INTS9: variants seen among roughly 807,000 people sequenced by gnomAD.
INTS9 encodes the protein integrator complex subunit 9, also known as protein related to CPSF subunits of 74 kDa.
INTS9 carries 55 observed loss-of-function variants against 79.7 expected under a neutral mutation model. The ratio of observed to expected loss-of-function variants is 0.69; its 90% CI spans 0.56 to 0.86. The LOEUF (loss-of-function observed/expected upper bound fraction) is 0.86. Among genes scored for constraint, INTS9 ranks in the 40% least tolerant of loss-of-function variants. The probability of loss-of-function intolerance (pLI) is 0.00; values close to 1 mark genes in which losing one functional copy is unlikely to be tolerated. For missense variants in INTS9, 721 were observed against 831.5 expected, an observed-to-expected ratio of 0.87 and a Z score of 1.64; for synonymous variants, 319 against 325.2, an observed-to-expected ratio of 0.98 and a Z score of 0.20.
intron 8 of INTS9, among the ~76,000 whole-genome samples, chr8:28,804,897 A>T (rs1016163591): frequency 6.6e-6 from 1 of 152,232 alleles, no homozygotes; most frequent in African/African-American, 2.4e-5. Context: ...AGCAGCATGA[A>T]TACAGCTGAG....
rs1366165063 is a variant in INTS9 at position 28,806,756 on chromosome 8, TTA to T, written c.744+5569_744+5570del. Among the ~76,000 whole-genome samples, 13 of 152,288 alleles carry T rather than the reference TTA, an allele frequency of 8.5e-5. No individual in the cohort carries two copies. The South Asian group carries it at 2.7e-3, about 32-fold the overall frequency. On this transcript the variant is annotated intron_variant, in intron 8 of 16. Coordinates refer to ENST00000521022, the MANE Select transcript of INTS9 (RefSeq NM_018250.4). ...GACTGGATGGACTAGAAACAAACAA[TTA>T]TACTGTAAAATAACCTTTGGTTATT...
intron 6 of INTS9, among the ~76,000 whole-genome samples, chr8:28,815,676 T>C (rs1805429192): frequency 1.3e-5 from 2 of 151,918 alleles, no homozygotes; most frequent in African/African-American, 4.8e-5. Context: ...AGTAGATTAA[T>C]AAAAAATACC....
At chr8:28,851,249 A>C (rs1015466331) in intron 2 of INTS9, among the ~76,000 whole-genome samples, 4 of 152,064 alleles carry the variant, frequency 2.6e-5, no homozygotes, top group African/African-American at 4.8e-5. Context: ...CCTCTTCCCA[A>C]AATAATTTGA....
intron 2 of INTS9, among the ~76,000 whole-genome samples, chr8:28,858,915 CTTAT>C (rs1808310797): frequency 1.3e-5 from 2 of 152,324 alleles, no homozygotes; most frequent in South Asian, 4.1e-4. Context: ...AAGGCAAAGT[CTTAT>C]TTAAGCATAA....
At chr8:28,804,585 C>T (rs559528210) in intron 8 of INTS9, among the ~76,000 whole-genome samples, 1 of 152,206 alleles carries the variant, frequency 6.6e-6, no homozygotes, top group East Asian at 1.9e-4. Context: ...GTCAGGGAGA[C>T]ACTCAGGAGA....
At chr8:28,847,357 G>A (rs1807579035) in intron 3 of INTS9, among the ~76,000 whole-genome samples, 1 of 151,952 alleles carries the variant, frequency 6.6e-6, no homozygotes, top group African/African-American at 2.4e-5. Context: ...GGGGATGTAA[G>A]GAGGGAGAGT....
intron 6 of INTS9, among the ~76,000 whole-genome samples, chr8:28,832,715 A>G (rs903936068): frequency 1.3e-5 from 2 of 152,150 alleles, no homozygotes; most frequent in African/African-American, 2.4e-5. Context: ...TGTAATCCCA[A>G]CACTTTGGGA....
chr8:28,789,973 C>G (rs2130936965), intron 10 of INTS9, among the ~76,000 whole-genome samples: 1 of 152,324 alleles, frequency 6.6e-6, no homozygotes, highest in South Asian at 2.1e-4. Flanking sequence ...CCTCCCATCT[C>G]CATCCCCTGC....
intron 16 of INTS9, chr8:28,769,656 A>G: frequency 1.9e-6 from 1 of 516,320 alleles, no homozygotes; most frequent in Non-Finnish European, 3.4e-6. Flanking sequence ...CTTTTTCTTC[A>G]GTCTGGAGAG....
intron 6 of INTS9, among the ~76,000 whole-genome samples, chr8:28,822,513 G>C (rs1443998978): frequency 6.6e-6 from 1 of 152,172 alleles, no homozygotes; most frequent in Admixed American, 6.5e-5. Flanking sequence ...TGGTGGGCCA[G>C]ATCTGGCCCA....
intron 1 of INTS9, among the ~76,000 whole-genome samples, chr8:28,872,499 T>C (rs1809150777): frequency 6.6e-6 from 1 of 151,934 alleles, no homozygotes. Flanking sequence ...AACTATTTGC[T>C]AGACTTGACT....
chr8:28,867,193 C>T (rs943555806), intron 1 of INTS9, among the ~76,000 whole-genome samples: 6 of 152,018 alleles, frequency 3.9e-5, no homozygotes, highest in South Asian at 4.1e-4. Flanking sequence ...GAGGCCAAGG[C>T]GGGTGGATCA....
chr8:28,831,029 A>G (rs1052325306), intron 6 of INTS9, among the ~76,000 whole-genome samples: 3 of 152,182 alleles, frequency 2.0e-5, no homozygotes, highest in Non-Finnish European at 4.4e-5. Context: ...TTGCAGCCCT[A>G]TTCACAATAG....
At chr8:28,819,458 C>T (rs1187583941) in intron 6 of INTS9, among the ~76,000 whole-genome samples, 4 of 152,186 alleles carry the variant, frequency 2.6e-5, no homozygotes, top group South Asian at 2.1e-4. Flanking sequence ...TGTAGTTGAG[C>T]GGTTTTGAGT....
chr8:28,860,456 C>A (rs1053245488), intron 1 of INTS9, among the ~76,000 whole-genome samples: 1 of 151,722 alleles, frequency 6.6e-6, no homozygotes. Flanking sequence ...GCTGAATCCA[C>A]TAGCAAGTCC....
rs368848856 is a variant in INTS9 at position 28,850,483 on chromosome 8, G to A, written c.138-210C>T. 2.6e-5 allele frequency among the ~76,000 whole-genome samples: 4 copies of A among 151,880 alleles called. No homozygotes were observed. The East Asian group carries it at 7.7e-4, about 29-fold the overall frequency. On this transcript the variant is annotated intron_variant, in intron 2 of 16. Transcript: ENST00000521022. Reference sequence around the variant, plus strand: ...CAATAGGATATTAAAAGGTCAAATAGTTTAGTGGAAAATTGGAAAAACTAA... The same window carrying A: ...CAATAGGATATTAAAAGGTCAAATAATTTAGTGGAAAATTGGAAAAACTAA...
rs73669444 is a variant in INTS9 at position 28,781,943 on chromosome 8, C to T, written c.1099-949G>A. Among the ~76,000 whole-genome samples the T allele has an allele frequency of 8.9e-3, 1,359 of 152,172 alleles. 20 individuals are homozygous for T. The highest frequency in any genetic ancestry group is 0.03 in the African/African-American group (1,239 of 41,506). On this transcript the variant is annotated intron_variant, in intron 11 of 16. Coordinates refer to ENST00000521022, the MANE Select transcript of INTS9 (RefSeq NM_018250.4). Reference sequence around the variant, plus strand: ...AACTCTGGGCTTTGGGCGAGAGTGACGTGTCAATGTGGGTTCATCAGCCGT... The same window carrying T: ...AACTCTGGGCTTTGGGCGAGAGTGATGTGTCAATGTGGGTTCATCAGCCGT...
At chr8:28,888,205 C>T (rs1810263076) in intron 1 of INTS9, among the ~76,000 whole-genome samples, 1 of 152,148 alleles carries the variant, frequency 6.6e-6, no homozygotes, top group Non-Finnish European at 1.5e-5. Context: ...ATCCTCTGTT[C>T]TCTGAATTCC....
chr8:28,811,090 G>A lies in INTS9; in HGVS notation c.744+1237C>T, dbSNP rs191132525. Among the ~76,000 whole-genome samples the A allele has an allele frequency of 5.9e-4, 89 of 151,164 alleles. 1 individual carries two copies. The highest frequency in any genetic ancestry group is 2.0e-3 in the African/African-American group (84 of 41,126). On this transcript the variant is annotated intron_variant, in intron 8 of 16. Coordinates refer to ENST00000521022, the MANE Select transcript of INTS9 (RefSeq NM_018250.4). ...GTAATACAAACACTCACGGCTTTAC[G>A]TGGCTAATTTCTCTGTTTTTCTTTT...
Sources: allele counts gnomAD v4.1 joint callset (sites outside exome capture counted in the v4.1 genomes callset), GRCh38; gene constraint gnomAD v4.1.1; transcripts MANE v1.5; gene names NCBI Gene and HGNC (gene_info 2026-07-23, HGNC 2026-07-21).